The following DGKB variants were observed in gnomAD, a reference collection of about 807,000 sequenced individuals.
The protein encoded by DGKB is 90 kDa diacylglycerol kinase.
In DGKB, 67 loss-of-function variants were observed where a neutral mutation model predicts 114.3. That is an observed-to-expected ratio of 0.59 (90% confidence interval 0.48 to 0.72). The LOEUF (loss-of-function observed/expected upper bound fraction) is 0.72, where lower values mean the gene tolerates loss of function less well. Ranked by LOEUF, DGKB falls within the 30% of genes least tolerant of loss-of-function variation. The pLI, the probability that DGKB is intolerant of heterozygous loss-of-function variation, is 0.00. For synonymous variants in DGKB, 398 were observed against 323.1 expected, an observed-to-expected ratio of 1.23 and a Z score of -2.49; for missense variants, 907 against 975.2, an observed-to-expected ratio of 0.93 and a Z score of 0.93.
rs182040804 is a variant in DGKB at position 14,247,794 on chromosome 7, G to C, written c.2123-69643C>G. ...TACAAATATTTTCTTCCATTTTGTA[G>C]GTTGTCTCTTTATGCCTTTGATTAT... is the stretch of plus-strand genomic sequence containing the variant. On this transcript the variant is annotated intron_variant, in intron 23 of 25. Transcript: ENST00000402815. Among the ~76,000 whole-genome samples the C allele has an allele frequency of 3.1e-3, 475 of 151,986 alleles. 3 individuals are homozygous for C. The highest frequency in any genetic ancestry group is 9.7e-3 in the African/African-American group (402 of 41,486).
intron 25 of DGKB, among the ~76,000 whole-genome samples, chr7:14,169,158 G>T (rs1419598251): frequency 6.6e-6 from 1 of 151,102 alleles, no homozygotes; most frequent in Non-Finnish European, 1.5e-5. Context: ...AGGAGATCAA[G>T]ACCACCCTGG....
At chr7:14,630,519 C>T (rs1809485211) in intron 13 of DGKB, among the ~76,000 whole-genome samples, 1 of 152,050 alleles carries the variant, frequency 6.6e-6, no homozygotes, top group Admixed American at 6.6e-5. Context: ...CTACCCAAAG[C>T]ATGCTGATCA....
At chr7:14,202,688 A>G (rs1786093758) in intron 23 of DGKB, among the ~76,000 whole-genome samples, 1 of 152,032 alleles carries the variant, frequency 6.6e-6, no homozygotes, top group Non-Finnish European at 1.5e-5. Context: ...ATTTCTAAAA[A>G]TGATTACAAT....
intron 23 of DGKB, among the ~76,000 whole-genome samples, chr7:14,310,691 A>G (rs1443038328): frequency 6.6e-6 from 1 of 152,206 alleles, no homozygotes; most frequent in African/African-American, 2.4e-5. Flanking sequence ...CAGATCTTTC[A>G]GGGAAAGAAC....
intron 21 of DGKB, among the ~76,000 whole-genome samples, chr7:14,404,478 C>T (rs987150556): frequency 1.3e-5 from 2 of 151,908 alleles, no homozygotes; most frequent in African/African-American, 4.8e-5. Context: ...CACTCAACTG[C>T]CTACCCTGCT....
intron 21 of DGKB, among the ~76,000 whole-genome samples, chr7:14,366,230 C>T (rs1391219341): frequency 1.3e-5 from 2 of 152,066 alleles, no homozygotes; most frequent in East Asian, 3.9e-4. Context: ...TTTCATATAT[C>T]CACATGAAAT....
chr7:14,149,424 G>A (rs1179600644), intron 25 of DGKB, among the ~76,000 whole-genome samples, 186 bp from the exon 26 acceptor site: 1 of 152,090 alleles, frequency 6.6e-6, no homozygotes, highest in Non-Finnish European at 1.5e-5. Flanking sequence ...ATAGGGATAT[G>A]TACTTAAATA....
At position 14,195,962 on chromosome 7, in the gene DGKB, C is replaced by A. The variant is rs139411295; in HGVS notation, c.2123-17811G>T. Reference sequence around the variant, plus strand: ...AAATCTTACTGTCTTGGCAGTTTGTCTTCAGAGAATAGGCGACATGTCTAA... The same window carrying A: ...AAATCTTACTGTCTTGGCAGTTTGTATTCAGAGAATAGGCGACATGTCTAA... On this transcript the variant is annotated intron_variant, in intron 23 of 25. Transcript: ENST00000402815. Among the ~76,000 whole-genome samples the A allele has an allele frequency of 2.6e-5, 4 of 152,230 alleles. No homozygotes were observed. In the South Asian group the frequency reaches 6.2e-4, roughly 24 times the overall value.
At chr7:14,643,685 C>G (rs751724256) in intron 13 of DGKB, among the ~76,000 whole-genome samples, 1 of 152,152 alleles carries the variant, frequency 6.6e-6, no homozygotes, top group Admixed American at 6.5e-5. Flanking sequence ...CACACCAAAG[C>G]TTGAGAGCCA....
At chr7:14,587,829 A>G (rs968677508) in intron 17 of DGKB, among the ~76,000 whole-genome samples, 3 of 152,126 alleles carry the variant, frequency 2.0e-5, no homozygotes, top group Non-Finnish European at 4.4e-5. Flanking sequence ...CATTTTTTAA[A>G]CCACAATGCT....
intron 19 of DGKB, among the ~76,000 whole-genome samples, chr7:14,577,596 C>A (rs916667868): frequency 6.6e-6 from 1 of 150,822 alleles, no homozygotes; most frequent in East Asian, 2.0e-4. Flanking sequence ...CAGCCTGGGC[C>A]AAAGAGTGAG....
At chr7:14,280,253 G>T (rs1282287853) in intron 23 of DGKB, among the ~76,000 whole-genome samples, 6 of 151,944 alleles carry the variant, frequency 3.9e-5, no homozygotes, top group African/African-American at 1.5e-4. Context: ...TGGAAGAAAG[G>T]GTATCAGCAA....
chr7:14,578,498 A>G (rs1799485393), intron 19 of DGKB, among the ~76,000 whole-genome samples: 1 of 152,188 alleles, frequency 6.6e-6, no homozygotes, highest in Non-Finnish European at 1.5e-5. Context: ...AATAATCTCT[A>G]GCAAATGGCT....
chr7:14,860,331 G>A (rs1261179610), intron 1 of DGKB, among the ~76,000 whole-genome samples: 2 of 151,928 alleles, frequency 1.3e-5, no homozygotes, highest in Admixed American at 6.6e-5. Flanking sequence ...TTCATCACCT[G>A]CCTTGTAACA....
chr7:14,521,464 T>C (rs556243245), intron 20 of DGKB, among the ~76,000 whole-genome samples: 3 of 152,322 alleles, frequency 2.0e-5, no homozygotes, highest in South Asian at 2.1e-4. Context: ...TGTAGATTAA[T>C]GTATTACATC....
intron 23 of DGKB, among the ~76,000 whole-genome samples, chr7:14,277,086 A>G (rs1204684409): frequency 6.6e-6 from 1 of 152,158 alleles, no homozygotes; most frequent in African/African-American, 2.4e-5. Flanking sequence ...TCTAAAAAAT[A>G]TCTAATTGAA....
At chr7:14,705,854 C>T (rs1335767103) in intron 6 of DGKB, among the ~76,000 whole-genome samples, 10 of 152,154 alleles carry the variant, frequency 6.6e-5, no homozygotes, top group African/African-American at 2.4e-4. Context: ...CCAGCCACTG[C>T]AAAATCATGC....
At chr7:14,421,518 C>T (rs928860062) in intron 21 of DGKB, among the ~76,000 whole-genome samples, 14 of 152,014 alleles carry the variant, frequency 9.2e-5, no homozygotes, top group Non-Finnish European at 1.6e-4. Context: ...AATATCTATT[C>T]TAAAACAAGT....
In DGKB at chr7:14,147,150, T is replaced by A. The variant is rs1366360245; in HGVS notation, c.*1981A>T. On this transcript the variant is annotated 3_prime_UTR_variant, in exon 26 of 26. Coordinates refer to ENST00000402815, the MANE Select transcript of DGKB (RefSeq NM_001350709.2). ...AAATCAATGTGTGTGTTACGTAACATTATGTCAGTAATGTACTTGTTACTG... is the reference window on the plus strand; with the variant it reads ...AAATCAATGTGTGTGTTACGTAACAATATGTCAGTAATGTACTTGTTACTG... The A allele has an allele frequency of 6.6e-6, 1 of 152,146 alleles. No individual in the cohort carries two copies. The highest frequency in any genetic ancestry group is 2.4e-5 in the African/African-American group (1 of 41,452). 9.4% of individuals were successfully genotyped at this position (152,146 alleles called of 1,614,324 possible).
Sources: gnomAD v4.1 joint callset for allele counts (sites outside exome capture counted in the v4.1 genomes callset) on GRCh38, gnomAD v4.1.1 for gene constraint, MANE v1.5 for transcripts, NCBI Gene and HGNC (gene_info 2026-07-23, HGNC 2026-07-21) for gene names.